SH3PXD2B: variants seen among roughly 807,000 people sequenced by gnomAD.
The protein encoded by SH3PXD2B is SH3 and PX domain-containing protein 2B.
SH3PXD2B carries 37 observed loss-of-function variants against 73.1 expected under a neutral mutation model. That is an observed-to-expected ratio of 0.51 (90% CI 0.39 to 0.67). The LOEUF is 0.67. Ranked by LOEUF, SH3PXD2B falls within the 30% of genes least tolerant of loss-of-function variation. The pLI, the probability that SH3PXD2B is intolerant of heterozygous loss-of-function variation, is 0.00. For synonymous variants in SH3PXD2B, 457 were observed against 480.5 expected (o/e 0.95, Z 0.64); for missense variants, 1,053 against 1,197.8 (o/e 0.88, Z 1.78).
rs1050151794 is a variant in SH3PXD2B, at chr5:172,336,384, A to G, written c.*1985T>C. The G allele has an allele frequency of 8.1e-6, 8 of 985,666 alleles. No homozygotes were observed. Among genetic ancestry groups the G allele is most frequent in the African/African-American group, 1.7e-5 (1 of 57,238 alleles). 61.1% of individuals were successfully genotyped at this position (985,666 alleles called of 1,614,324 possible). A position where few individuals can be genotyped will look rare whatever the true frequency, so the allele number is the denominator to read the frequency against. ...TTCCCCTGGCTGCCATCTGCCCCCA[A>G]CGCTCTGGGCACAGGGCCAAGTGGC... On this transcript the variant is annotated 3_prime_UTR_variant, in exon 13 of 13. Coordinates refer to ENST00000311601, the MANE Select transcript of SH3PXD2B (RefSeq NM_001017995.3).
At chr5:172,364,383 G>T (rs1205484485) in intron 6 of SH3PXD2B, among the ~76,000 whole-genome samples, 4 of 152,054 alleles carry the variant, frequency 2.6e-5, no homozygotes, top group Non-Finnish European at 5.9e-5. Flanking sequence ...ACACCCAATT[G>T]GCCAGGCGTG....
chr5:172,348,634 C>CT, intron 10 of SH3PXD2B, among the ~76,000 whole-genome samples: 2 of 67,594 alleles, frequency 3.0e-5, no homozygotes, highest in Non-Finnish European at 5.6e-5. Flanking sequence ...ATGTATCTAT[C>CT]TATGTATCTA....
intron 1 of SH3PXD2B, among the ~76,000 whole-genome samples, chr5:172,446,339 C>A (rs1759659407): frequency 6.6e-6 from 1 of 152,180 alleles, no homozygotes; most frequent in South Asian, 2.1e-4. Flanking sequence ...CTCTTTTGGC[C>A]ACTTGTGGGT....
At chr5:172,411,532 G>A (rs1354163277) in intron 2 of SH3PXD2B, among the ~76,000 whole-genome samples, 2 of 152,180 alleles carry the variant, frequency 1.3e-5, no homozygotes, top group African/African-American at 4.8e-5. Flanking sequence ...GGACCCAACA[G>A]CCCTGGGGTT....
At chr5:172,351,916 C>T (rs546577939) in intron 9 of SH3PXD2B, among the ~76,000 whole-genome samples, 23 of 152,212 alleles carry the variant, frequency 1.5e-4, no homozygotes, top group African/African-American at 4.8e-4. Flanking sequence ...ATAACCCACA[C>T]GCTCAGTTTG....
intron 10 of SH3PXD2B, among the ~76,000 whole-genome samples, chr5:172,348,149 C>T (rs936783997): frequency 1.3e-5 from 2 of 152,220 alleles, no homozygotes; most frequent in African/African-American, 4.8e-5. Flanking sequence ...AGACACTTAG[C>T]TGTCTATATA....
intron 1 of SH3PXD2B, among the ~76,000 whole-genome samples, chr5:172,438,265 G>C (rs1759438675): frequency 6.6e-6 from 1 of 152,148 alleles, no homozygotes; most frequent in Non-Finnish European, 1.5e-5. Context: ...TCTCAGTCTA[G>C]CTCCCACTCT....
chr5:172,376,462 C>T (rs1581288146), intron 5 of SH3PXD2B, among the ~76,000 whole-genome samples: 1 of 152,190 alleles, frequency 6.6e-6, no homozygotes, highest in Admixed American at 6.5e-5. Flanking sequence ...GCTATTTGTG[C>T]ATTTTCTTTG....
At chr5:172,444,700 G>C (rs950338087) in intron 1 of SH3PXD2B, among the ~76,000 whole-genome samples, 2 of 152,000 alleles carry the variant, frequency 1.3e-5, no homozygotes, top group Non-Finnish European at 2.9e-5. Context: ...GGCTCATTTG[G>C]ACAGGGGCTC....
chr5:172,341,807 TGCCC>T (rs1355310905), intron 12 of SH3PXD2B, among the ~76,000 whole-genome samples: 1 of 151,418 alleles, frequency 6.6e-6, no homozygotes, highest in Non-Finnish European at 1.5e-5. Context: ...CCTGCCACCG[TGCCC>T]GGCTAATTTT....
At chr5:172,384,091 C>T (rs1284017426) in intron 4 of SH3PXD2B, among the ~76,000 whole-genome samples, 2 of 152,138 alleles carry the variant, frequency 1.3e-5, no homozygotes, top group South Asian at 2.1e-4. Flanking sequence ...GTGATCCACC[C>T]ACCTCGGCTC....
intron 9 of SH3PXD2B, among the ~76,000 whole-genome samples, chr5:172,352,241 A>C (rs1757173097): frequency 1.3e-5 from 2 of 152,156 alleles, no homozygotes; most frequent in Non-Finnish European, 2.9e-5. Context: ...AATGTCTTTA[A>C]ATTTTAGAGA....
At chr5:172,357,108 G>A (rs1309539690) in intron 8 of SH3PXD2B, among the ~76,000 whole-genome samples, 1 of 102,330 alleles carries the variant, frequency 9.8e-6, no homozygotes, top group East Asian at 3.2e-4. Flanking sequence ...AACAGAGTGA[G>A]ACCCCATCTC....
chr5:172,438,349 C>G (rs143201288), intron 1 of SH3PXD2B, among the ~76,000 whole-genome samples: 1 of 152,192 alleles, frequency 6.6e-6, no homozygotes, highest in African/African-American at 2.4e-5. Context: ...CTTTGCATTA[C>G]TGCACCCCCA....
At position 172,325,945 on chromosome 5, in the gene SH3PXD2B, A is replaced by G. The variant is rs141776564; in HGVS notation, c.1189-565T>C. On this transcript the variant is annotated intron_variant, in intron 12 of 12. Coordinates refer to the SH3PXD2B transcript ENST00000519643. ...TGGGATTACAGGCATATGCCGCCAG[A>G]CCTGGCTAATTTTGTATTTTTAGTA... 6.9e-3 allele frequency among the ~76,000 whole-genome samples: 1,052 copies of G among 152,200 alleles called. 20 individuals are homozygous for G. Among genetic ancestry groups the G allele is most frequent in the African/African-American group, 0.024 (989 of 41,514 alleles).
At chr5:172,326,857 A>ATTT (rs1175095358) in intron 12 of SH3PXD2B, among the ~76,000 whole-genome samples, 5 of 135,614 alleles carry the variant, frequency 3.7e-5, no homozygotes, top group Admixed American at 7.5e-5. Flanking sequence ...ATGTCTCAAG[A>ATTT]TTTTTTTTTT....
Position 172,333,540 on chromosome 5 carries a change from T to TAA in SH3PXD2B, c.*4827_*4828dup. On this transcript the variant is annotated 3_prime_UTR_variant, in exon 13 of 13. Coordinates refer to ENST00000311601, the MANE Select transcript of SH3PXD2B (RefSeq NM_001017995.3). Reference sequence around the variant, plus strand: ...AAACCAGTCAAGCACTTTTTTTATTTAAAAAAAAAAAAAGGAAAGAAGTCA... The same window carrying TAA: ...AAACCAGTCAAGCACTTTTTTTATTTAAAAAAAAAAAAAAAGGAAAGAAGTCA... The TAA allele has an allele frequency of 9.7e-6, 10 of 1,035,630 alleles. No individual in the cohort carries two copies. Among genetic ancestry groups the TAA allele is most frequent in the African/African-American group, 1.7e-5 (1 of 57,342 alleles). 64.2% of individuals were successfully genotyped at this position (1,035,630 alleles called of 1,614,324 possible).
chr5:172,404,330 T>TA (rs1219969166), intron 3 of SH3PXD2B, among the ~76,000 whole-genome samples: 3 of 152,082 alleles, frequency 2.0e-5, no homozygotes, highest in Admixed American at 6.5e-5. Flanking sequence ...TTTTTTGAGA[T>TA]AGAGTTTCAC....
At chr5:172,448,274 C>T (rs1005441422) in intron 1 of SH3PXD2B, among the ~76,000 whole-genome samples, 3 of 152,146 alleles carry the variant, frequency 2.0e-5, no homozygotes, top group Non-Finnish European at 4.4e-5. Context: ...GGCAGCAGGC[C>T]GGAAAGCGGT....
Sources: gnomAD v4.1 joint callset for allele counts (sites outside exome capture counted in the v4.1 genomes callset) on GRCh38, gnomAD v4.1.1 for gene constraint, MANE v1.5 for transcripts, NCBI Gene and HGNC (gene_info 2026-07-23, HGNC 2026-07-21) for gene names.